CREBBP: variants seen among roughly 807,000 people sequenced by gnomAD.
CREBBP encodes the protein CREB-binding protein.
A neutral mutation model predicts 265.0 loss-of-function variants in CREBBP; 19 were observed. The observed-to-expected ratio is 0.07, with a 90% CI of 0.05 to 0.11. The LOEUF is 0.11. Ranked by LOEUF, CREBBP falls within the 10% of genes least tolerant of loss-of-function variation. CREBBP has a pLI of 1.00. For synonymous variants in CREBBP, 1,457 were observed against 1,223.7 expected (o/e 1.19, Z -3.98); for missense variants, 2,525 against 3,219.0 (o/e 0.78, Z 5.22).
At chr16:3,771,051 G>GA in intron 13 of CREBBP, 65 bp from the exon 14 acceptor site, 1 of 1,582,292 alleles carries the variant, frequency 6.3e-7, no homozygotes, top group Non-Finnish European at 8.6e-7. Context: ...TGAAACATTT[G>GA]AAAAATTAAA....
At position 3,769,479 on chromosome 16, in the gene CREBBP, C is replaced by T. The variant is rs147033572; in HGVS notation, c.2881-126G>A. On this transcript the variant is annotated intron_variant, in intron 14 of 30. Transcript: ENST00000262367. ...CAATACTGATCCAGCAGGTGCCCTT[C>T]TGTGAAACCGAAGAACAGGGGTTAA... The T allele has an allele frequency of 2.9e-5, 34 of 1,189,840 alleles. No individual in the cohort carries two copies. In the South Asian group the frequency reaches 3.7e-4, roughly 13 times the overall value. The allele number at this position is 1,189,840 out of a possible 1,614,324, so 73.7% of individuals were successfully genotyped here. A position where few individuals can be genotyped will look rare whatever the true frequency, so the allele number is the denominator to read the frequency against.
chr16:3,778,903 A>G (rs779433916), intron 8 of CREBBP, 86 bp from the exon 9 acceptor site: 131 of 1,139,168 alleles, frequency 1.1e-4, no homozygotes, highest in Non-Finnish European at 1.6e-4. Context: ...GCGGTGGCTC[A>G]CGCTTGTAAT....
intron 3 of CREBBP, among the ~76,000 whole-genome samples, chr16:3,807,708 G>C (rs1245287258): frequency 2.6e-5 from 4 of 152,202 alleles, no homozygotes; most frequent in Non-Finnish European, 5.9e-5. Flanking sequence ...TTGCTCAGCT[G>C]TAAAATGGGA....
At chr16:3,872,524 G>A (rs779515234) in intron 1 of CREBBP, among the ~76,000 whole-genome samples, 12 of 152,208 alleles carry the variant, frequency 7.9e-5, no homozygotes, top group Admixed American at 3.9e-4. Context: ...GAATTTTGCC[G>A]AAAGCCAAGT....
chr16:3,797,599 C>G (rs1340776962), intron 3 of CREBBP, among the ~76,000 whole-genome samples: 5 of 149,718 alleles, frequency 3.3e-5, no homozygotes, highest in Admixed American at 3.3e-4. Flanking sequence ...TGAATGTGGT[C>G]TCTCTCTCTC....
intron 1 of CREBBP, among the ~76,000 whole-genome samples, chr16:3,878,569 G>GT (rs1474646887): frequency 3.9e-5 from 6 of 152,238 alleles, no homozygotes; most frequent in Non-Finnish European, 7.4e-5. Context: ...CAAAATTCAG[G>GT]TTTTGTTTCA....
In CREBBP at chr16:3,729,317, T is replaced by A. The variant is rs1158401580; in HGVS notation, c.5730A>T (p.Gln1910His). The change falls in exon 31 of 31, where the codon CAA becomes CAT. Residue 1910 changes from glutamine to histidine, a missense_variant. Coordinates refer to ENST00000262367, the MANE Select transcript of CREBBP (RefSeq NM_004380.3). Reference protein sequence around the residue: ...PQTPQPPAQPQPSPVSMSPAG... With the variant: ...PQTPQPPAQPHPSPVSMSPAG... ...CTGGTGACATGCTCACGGGTGAGGG[T>A]TGGGGCTGGGCAGGGGGCTGCGGCG... 2 of 1,560,126 alleles carry A rather than the reference T, an allele frequency of 1.3e-6. No individual in the cohort carries two copies. Among genetic ancestry groups the A allele is most frequent in the Non-Finnish European group, 1.7e-6 (2 of 1,158,330 alleles).
chr16:3,734,685 G>A (rs2052005224), intron 28 of CREBBP, among the ~76,000 whole-genome samples: 1 of 152,266 alleles, frequency 6.6e-6, no homozygotes, highest in East Asian at 1.9e-4. Flanking sequence ...GTAAACCCAC[G>A]CCACCCCCTG....
rs368186457 is a variant in CREBBP, at chr16:3,731,805, G to A, written c.4861C>T (p.Leu1621=). The A allele has an allele frequency of 5.0e-6, 8 of 1,614,162 alleles. No individual in the cohort carries two copies. Among genetic ancestry groups the A allele is most frequent in the African/African-American group, 4.0e-5 (3 of 74,954 alleles). The change falls in exon 29 of 31, where the codon CTG becomes TTG. Residue 1621 remains leucine, a synonymous_variant. Transcript: ENST00000262367. This position sits in a 1 kb window ranked among gnomAD's most constrained non-coding sequence, Gnocchi z 7.7. The stretch of plus-strand genomic sequence containing the variant: ...TTGTGCTTCTCCATGGTGGCATACA[G>A]CTTCTGGGACAGGTCATTGGACACG... ...PNVSNDLSQK[L]YATMEKHKEV...
Position 3,758,872 on chromosome 16 carries a change from G to A in CREBBP, c.3351C>T (p.Pro1117=). 2 of 1,612,218 alleles carry A rather than the reference G, an allele frequency of 1.2e-6. No homozygotes were observed. Among genetic ancestry groups the A allele is most frequent in the South Asian group, 1.1e-5 (1 of 91,002 alleles). ...AACTTACTGGAATTCCGAGGAGCTG[G>A]GGATCTACAGGCTGCCGGAAAGGTA... The part of the protein sequence containing the change: ...ESLPFRQPVD[P]QLLGIPDYFD... The change falls in exon 17 of 31, where the codon CCC becomes CCT. Residue 1117 remains proline, a synonymous_variant. Coordinates refer to ENST00000262367, the MANE Select transcript of CREBBP (RefSeq NM_004380.3).
chr16:3,859,836 A>C (rs1195239848), intron 1 of CREBBP, among the ~76,000 whole-genome samples: 1 of 152,354 alleles, frequency 6.6e-6, no homozygotes, highest in Non-Finnish European at 1.5e-5. Context: ...GCCTTGCCCT[A>C]TCACCTGATA....
intron 1 of CREBBP, among the ~76,000 whole-genome samples, chr16:3,872,350 G>A (rs2141589480): frequency 6.6e-6 from 1 of 152,208 alleles, no homozygotes; most frequent in Middle Eastern, 3.4e-3. Context: ...AGCTCAAATG[G>A]CAAAGACCTG....
intron 3 of CREBBP, among the ~76,000 whole-genome samples, chr16:3,803,183 C>G (rs1452908103): frequency 6.8e-6 from 1 of 147,330 alleles, no homozygotes; most frequent in African/African-American, 2.5e-5. Flanking sequence ...ATAAGATTAT[C>G]TTAAAATTTA....
intron 1 of CREBBP, among the ~76,000 whole-genome samples, chr16:3,874,418 G>A (rs2055359127): frequency 2.0e-5 from 3 of 152,184 alleles, no homozygotes; most frequent in Admixed American, 6.5e-5. Flanking sequence ...GAAGTCCCAC[G>A]TTATATCAGT....
intron 1 of CREBBP, 69 bp from the exon 2 acceptor site, chr16:3,851,078 T>C: frequency 1.5e-6 from 2 of 1,358,880 alleles, no homozygotes; most frequent in South Asian, 2.4e-5. Flanking sequence ...GCCACGTTTC[T>C]ATGATCTTAA....
At chr16:3,784,746 C>T (rs2053348542) in intron 5 of CREBBP, among the ~76,000 whole-genome samples, 1 of 152,168 alleles carries the variant, frequency 6.6e-6, no homozygotes, top group Non-Finnish European at 1.5e-5. Flanking sequence ...CTTTTATCCA[C>T]ACCTCCCCAA....
At chr16:3,745,985 G>A (rs964803934) in intron 21 of CREBBP, among the ~76,000 whole-genome samples, 2 of 152,206 alleles carry the variant, frequency 1.3e-5, no homozygotes, top group African/African-American at 2.4e-5. Context: ...CCTCCACACT[G>A]TTCTACGGCA....
intron 3 of CREBBP, among the ~76,000 whole-genome samples, chr16:3,796,717 C>T (rs970570195): frequency 1.3e-5 from 2 of 152,160 alleles, no homozygotes; most frequent in Non-Finnish European, 2.9e-5. Context: ...GTCTTTTGCA[C>T]TACACCTGAC....
At chr16:3,761,065 C>T (rs2052706398) in intron 16 of CREBBP, among the ~76,000 whole-genome samples, 1 of 152,166 alleles carries the variant, frequency 6.6e-6, no homozygotes, top group African/African-American at 2.4e-5. Flanking sequence ...AGCGATTCTC[C>T]TGCCTCAGCC....
Sources: allele counts gnomAD v4.1 joint callset (sites outside exome capture counted in the v4.1 genomes callset), GRCh38; gene constraint gnomAD v4.1.1; non-coding constraint Gnocchi (gnomAD v3.1); transcripts MANE v1.5; gene names NCBI Gene and HGNC (gene_info 2026-07-23, HGNC 2026-07-21).